SMARCC1: variants seen among roughly 807,000 people sequenced by gnomAD.
SMARCC1 encodes the protein SWI/SNF complex subunit SMARCC1.
In SMARCC1, 43 loss-of-function variants were observed where a neutral mutation model predicts 147.4. The ratio of observed to expected loss-of-function variants is 0.29; its 90% CI spans 0.23 to 0.38. The LOEUF is 0.38. Among genes scored for constraint, SMARCC1 ranks in the 10% least tolerant of loss-of-function variants. The pLI is 1.00. For synonymous variants in SMARCC1, 495 were observed against 484.4 expected (o/e 1.02, Z -0.29); for missense variants, 1,119 against 1,381.1 (o/e 0.81, Z 3.01).
intron 1 of SMARCC1, among the ~76,000 whole-genome samples, chr3:47,778,214 AAAC>A (rs1370190441): frequency 3.3e-5 from 5 of 150,562 alleles, no homozygotes; most frequent in African/African-American, 4.9e-5. Flanking sequence ...AAAAAACAAA[AAAC>A]AAAAAAAACA....
rs1188707782 is a variant in SMARCC1, at chr3:47,663,862, C to T, written c.1900-1270G>A. 4.5e-6 allele frequency: 7 copies of T among 1,540,470 alleles called. No individual in the cohort carries two copies. The Admixed American group carries it at 8.3e-5, about 18-fold the overall frequency. ...CTCAGCTCATGATGTGCACCTGGAT[C>T]GCCGCCCAGGGTTTCACGGTCACAG... On this transcript the variant is annotated intron_variant, in intron 19 of 27. Coordinates refer to ENST00000254480, the MANE Select transcript of SMARCC1 (RefSeq NM_003074.4).
chr3:47,718,984 C>G (rs1241245997), intron 7 of SMARCC1, among the ~76,000 whole-genome samples: 1 of 152,144 alleles, frequency 6.6e-6, no homozygotes, highest in African/African-American at 2.4e-5. Context: ...GCAATCTCGG[C>G]TCACGGCAAG....
chr3:47,627,987 T>C (rs1204864304), intron 24 of SMARCC1, among the ~76,000 whole-genome samples: 2 of 152,264 alleles, frequency 1.3e-5, no homozygotes, highest in South Asian at 2.1e-4. Flanking sequence ...CTTCCCAAAG[T>C]GCTGGGATTA....
intron 3 of SMARCC1, 117 bp from the exon 4 acceptor site, chr3:47,738,227 C>A (rs1208183755): frequency 1.6e-6 from 1 of 627,028 alleles, no homozygotes; most frequent in Non-Finnish European, 2.7e-6. Flanking sequence ...AATAACTCTA[C>A]AAAATGTGTG....
At chr3:47,606,804 C>A (rs1312869923) in intron 26 of SMARCC1, among the ~76,000 whole-genome samples, 1 of 151,884 alleles carries the variant, frequency 6.6e-6, no homozygotes, top group African/African-American at 2.4e-5. Context: ...AACTCCTGGG[C>A]TCAAGTGATC....
Position 47,638,798 on chromosome 3 carries a change from A to C in SMARCC1, c.2321-18T>G. ...AGCTCCTTCTACAAGTAAAAGAATA[A>C]GAACAAGTACTCCAATGTGGAAAAA... On this transcript the variant is annotated intron_variant, in intron 21 of 27. Coordinates refer to ENST00000254480, the MANE Select transcript of SMARCC1 (RefSeq NM_003074.4). 6.3e-7 allele frequency: 1 copy of C among 1,587,604 alleles called. No homozygotes were observed. Among genetic ancestry groups the C allele is most frequent in the Non-Finnish European group, 8.7e-7 (1 of 1,155,710 alleles).
At chr3:47,599,397 A>G (rs761224163) in intron 26 of SMARCC1, among the ~76,000 whole-genome samples, 7 of 152,260 alleles carry the variant, frequency 4.6e-5, no homozygotes, top group Non-Finnish European at 8.8e-5. Context: ...AAGTTATTAT[A>G]GCAGCCTCAG....
chr3:47,718,095 T>C (rs995728757), intron 7 of SMARCC1, among the ~76,000 whole-genome samples: 11 of 135,732 alleles, frequency 8.1e-5, no homozygotes, highest in African/African-American at 3.1e-4. Flanking sequence ...GCTGTCTTCA[T>C]GCCACTGCAC....
chr3:47,604,763 A>G (rs2032444273), intron 26 of SMARCC1: 1 of 135,998 alleles, frequency 7.4e-6, no homozygotes, highest in Non-Finnish European at 1.5e-5. Context: ...CAGTGGCATG[A>G]CCTCGGCTCA....
At chr3:47,695,773 A>G (rs1276831504) in intron 11 of SMARCC1, among the ~76,000 whole-genome samples, 2 of 148,222 alleles carry the variant, frequency 1.3e-5, no homozygotes, top group East Asian at 4.0e-4. Context: ...AAAAAAAAAA[A>G]AAAAAAAAAA....
At chr3:47,637,237 C>T (rs1309574269) in intron 22 of SMARCC1, among the ~76,000 whole-genome samples, 3 of 152,150 alleles carry the variant, frequency 2.0e-5, no homozygotes, top group South Asian at 2.1e-4. Context: ...ATGTGAAGTA[C>T]AAATATCGTC....
At chr3:47,754,111 A>C (rs2034660715) in intron 2 of SMARCC1, among the ~76,000 whole-genome samples, 1 of 152,170 alleles carries the variant, frequency 6.6e-6, no homozygotes, top group Non-Finnish European at 1.5e-5. Context: ...GACAACAAAA[A>C]GTATTAGCAT....
intron 3 of SMARCC1, 79 bp downstream of exon 3, chr3:47,745,829 G>C (rs2034558789): frequency 1.2e-6 from 1 of 828,588 alleles, no homozygotes; most frequent in African/African-American, 1.8e-5. Context: ...TGTGCTTACA[G>C]GATTTTCTAA....
intron 7 of SMARCC1, among the ~76,000 whole-genome samples, chr3:47,715,763 T>G (rs1240883911): frequency 6.6e-6 from 1 of 152,192 alleles, no homozygotes; most frequent in East Asian, 1.9e-4. Context: ...CCTGCTCTTC[T>G]GTCCTTATTC....
intron 2 of SMARCC1, among the ~76,000 whole-genome samples, chr3:47,765,206 G>A (rs1318400196): frequency 1.3e-5 from 2 of 152,014 alleles, no homozygotes; most frequent in African/African-American, 2.4e-5. Flanking sequence ...AGCCGAGATC[G>A]TGCCATTGCA....
At chr3:47,635,112 A>C (rs1421147592) in intron 24 of SMARCC1, 78 bp downstream of exon 24, 13 of 1,279,926 alleles carry the variant, frequency 1.0e-5, no homozygotes, top group Non-Finnish European at 1.4e-5. Context: ...CTTTATACTA[A>C]ATGTTCCCAA....
At chr3:47,677,339 G>C (rs913750860) in intron 16 of SMARCC1, among the ~76,000 whole-genome samples, 4 of 151,308 alleles carry the variant, frequency 2.6e-5, no homozygotes, top group African/African-American at 9.7e-5. Context: ...GACCTCAGGT[G>C]ATCTACCCAC....
chr3:47,636,739 G>A (rs1012572748), intron 22 of SMARCC1, among the ~76,000 whole-genome samples: 4 of 151,848 alleles, frequency 2.6e-5, no homozygotes, highest in Non-Finnish European at 5.9e-5. Context: ...TAGGCAGCAA[G>A]AGTGAGACTC....
rs149649759 is a variant in SMARCC1 at position 47,590,777 on chromosome 3, G to C, written c.3104C>G (p.Pro1035Arg). The change falls in exon 27 of 28, where the codon CCC becomes CGC. Residue 1035 changes from proline to arginine, a missense_variant. By Grantham distance (103) the Pro-to-Arg change is moderately radical (BLOSUM62 -2). This residue lies in a region of SMARCC1 where 186 missense variants were observed against 216.5 expected (regional missense o/e 0.86). Coordinates refer to ENST00000254480, the MANE Select transcript of SMARCC1 (RefSeq NM_003074.4). ...GGGGTGGATGTTGGCTGCAACAGTGGGAATCATGCGGCCTGGCATGTGCTG... is the reference window on the plus strand; with the variant it reads ...GGGGTGGATGTTGGCTGCAACAGTGCGAATCATGCGGCCTGGCATGTGCTG... Reference protein sequence around the residue: ...PGQHMPGRMIPTVAANIHPSG... With the variant: ...PGQHMPGRMIRTVAANIHPSG... 1.2e-6 allele frequency: 2 copies of C among 1,604,066 alleles called. No individual in the cohort carries two copies. Among genetic ancestry groups the C allele is most frequent in the Non-Finnish European group, 1.7e-6 (2 of 1,176,032 alleles).
Sources: gnomAD v4.1 joint callset for allele counts (sites outside exome capture counted in the v4.1 genomes callset) on GRCh38, gnomAD v4.1.1 for gene constraint, gnomAD v4.1.1 regional missense constraint, MANE v1.5 for transcripts, NCBI Gene and HGNC (gene_info 2026-07-23, HGNC 2026-07-21) for gene names.